The following TOP1 variants were observed in gnomAD, a reference collection of about 807,000 sequenced individuals.
TOP1 encodes the protein DNA topoisomerase I, also known as DNA topoisomerase 1.
Under a neutral mutation model 111.1 loss-of-function variants are expected in TOP1, and 10 were observed. The ratio of observed to expected loss-of-function variants is 0.09; its 90% confidence interval spans 0.06 to 0.15. The LOEUF (loss-of-function observed/expected upper bound fraction) is 0.15. Ranked by LOEUF, TOP1 falls within the 10% of genes least tolerant of loss-of-function variation. The probability of loss-of-function intolerance (pLI) is 1.00; values close to 1 mark genes in which losing one functional copy is unlikely to be tolerated. For missense variants in TOP1, 474 were observed against 926.7 expected, an observed-to-expected ratio of 0.51 and a Z score of 6.34; for synonymous variants, 271 against 302.9, an observed-to-expected ratio of 0.89 and a Z score of 1.10.
intron 2 of TOP1, among the ~76,000 whole-genome samples, chr20:41,048,377 G>A (rs562391925): frequency 1.4e-4 from 22 of 152,294 alleles, no homozygotes; most frequent in South Asian, 8.3e-4. Context: ...TTATACACAG[G>A]AATACTTGAG....
intron 2 of TOP1, among the ~76,000 whole-genome samples, chr20:41,059,454 A>AAATAAATG (rs2033517323): frequency 6.8e-6 from 1 of 147,348 alleles, no homozygotes; most frequent in East Asian, 1.9e-4. Flanking sequence ...ATAAATAAAT[A>AAATAAATG]AATAAGGTGG....
chr20:41,060,656 C>A (rs570039120), intron 2 of TOP1, among the ~76,000 whole-genome samples: 3 of 152,168 alleles, frequency 2.0e-5, no homozygotes, highest in Non-Finnish European at 2.9e-5. Context: ...GGGATTGGTT[C>A]CAGGACCACC....
chr20:41,090,983 C>T (rs1299117222), intron 8 of TOP1, among the ~76,000 whole-genome samples: 1 of 151,910 alleles, frequency 6.6e-6, no homozygotes, highest in African/African-American at 2.4e-5. Context: ...ATGTAAAGAC[C>T]CAGTTTGATT....
At chr20:41,057,645 AC>A (rs1382214387) in intron 2 of TOP1, among the ~76,000 whole-genome samples, 1 of 152,202 alleles carries the variant, frequency 6.6e-6, no homozygotes, top group Non-Finnish European at 1.5e-5. Context: ...TAAATTGACT[AC>A]CCTAAGATAA....
rs921189909 is a variant in TOP1 at position 41,069,052 on chromosome 20, A to G, written c.156-7119A>G. Among the ~76,000 whole-genome samples the G allele has an allele frequency of 6.6e-6, 1 of 152,204 alleles. No homozygotes were observed. Among genetic ancestry groups the G allele is most frequent in the Non-Finnish European group, 1.5e-5 (1 of 68,032 alleles). ...GCAAGGGAAGTACTTTTCCAGCCAT[A>G]TTGGCAGTGCTATTCTGTACTGTCA... On this transcript the variant is annotated intron_variant, in intron 3 of 20. Transcript: ENST00000361337. The surrounding 1 kb of genome is among the most constrained non-coding windows in gnomAD (Gnocchi z 4.1).
rs557435981 is a variant in TOP1 at position 41,067,415 on chromosome 20, G to A, written c.155+5925G>A. ...ATTACAGGCTTGAGCCACCACACCC[G>A]GCCTCCAGTAAAATTTTATATACAC... On this transcript the variant is annotated intron_variant, in intron 3 of 20. Transcript: ENST00000361337. The surrounding 1 kb of genome is among the most constrained non-coding windows in gnomAD (Gnocchi z 4.0). 5.8e-3 allele frequency among the ~76,000 whole-genome samples: 886 copies of A among 152,180 alleles called. 6 individuals are homozygous for A. The highest frequency in any genetic ancestry group is 7.1e-3 in the Non-Finnish European group (481 of 68,004).
intron 4 of TOP1, 102 bp from the exon 5 acceptor site, chr20:41,077,480 G>A (rs760095186): frequency 6.5e-6 from 6 of 918,278 alleles, no homozygotes; most frequent in Non-Finnish European, 8.8e-6. Context: ...GAGCCAGCTT[G>A]TGATCATGAT....
In TOP1 at chr20:41,061,619, C is replaced by T. The variant is rs1055524640; in HGVS notation, c.155+129C>T. The T allele has an allele frequency of 3.9e-6, 3 of 776,242 alleles. No homozygotes were observed. The African/African-American group carries it at 5.2e-5, about 14-fold the overall frequency. 48.1% of individuals were successfully genotyped at this position (776,242 alleles called of 1,614,324 possible). A position where few individuals can be genotyped will look rare whatever the true frequency, so the allele number is the denominator to read the frequency against. On this transcript the variant is annotated intron_variant, in intron 3 of 20. Transcript: ENST00000361337. This position sits in a 1 kb window ranked among gnomAD's most constrained non-coding sequence, Gnocchi z 4.6. ...AAGTAAGTAGAAACTGTATTTGATC[C>T]TAGAGTTGCTATGAGGATGGCCATG...
chr20:41,075,159 C>G (rs958801195), intron 3 of TOP1, among the ~76,000 whole-genome samples: 11 of 151,948 alleles, frequency 7.2e-5, no homozygotes, highest in African/African-American at 2.2e-4. Context: ...CAAAATAAAC[C>G]TCTTTTTAAA....
At chr20:41,103,761 ATT>A (rs1257164044) in intron 13 of TOP1, among the ~76,000 whole-genome samples, 1 of 152,050 alleles carries the variant, frequency 6.6e-6, no homozygotes, top group Non-Finnish European at 1.5e-5. Context: ...CACCTCTGGG[ATT>A]TCAAAAGGCT....
rs967263179 is a variant in TOP1, at chr20:41,102,495, A to G, written c.1308+1142A>G. Among the ~76,000 whole-genome samples, 1 of 152,144 alleles carries G rather than the reference A, an allele frequency of 6.6e-6. No homozygotes were observed. The highest frequency in any genetic ancestry group is 1.9e-4 in the East Asian group (1 of 5,204). The stretch of plus-strand genomic sequence containing the variant: ...CGTGGTAGTGGGTGCCTGTAATCCC[A>G]TCTACTTGGGAGGCGGAGGCAGGAG... On this transcript the variant is annotated intron_variant, in intron 13 of 20. Transcript: ENST00000361337. The surrounding 1 kb of genome is among the most constrained non-coding windows in gnomAD (Gnocchi z 4.0).
In TOP1 at chr20:41,061,262, C is replaced by G; in HGVS notation, c.59-132C>G. The G allele has an allele frequency of 1.4e-6, 1 of 716,548 alleles. No individual in the cohort carries two copies. The highest frequency in any genetic ancestry group is 2.2e-6 in the Non-Finnish European group (1 of 459,990). The allele number at this position is 716,548 out of a possible 1,614,324, so 44.4% of individuals were successfully genotyped here. ...GCTTCTTTGTGAAAGCTTTTTTTTT[C>G]AGTGGCATGTGCTATTATGCCTACC... On this transcript the variant is annotated intron_variant, in intron 2 of 20. Coordinates refer to ENST00000361337, the MANE Select transcript of TOP1 (RefSeq NM_003286.4). This position sits in a 1 kb window ranked among gnomAD's most constrained non-coding sequence, Gnocchi z 4.6.
Position 41,081,753 on chromosome 20 carries a change from C to T in TOP1, c.507+513C>T, listed in dbSNP as rs867002848. On this transcript the variant is annotated intron_variant, in intron 7 of 20. Coordinates refer to ENST00000361337, the MANE Select transcript of TOP1 (RefSeq NM_003286.4). The stretch of plus-strand genomic sequence containing the variant: ...TTGTGTCTCTCTTCATCTTGTGCCT[C>T]TTCTCTAGCTTACTTGTACCAGTCA... Among the ~76,000 whole-genome samples the T allele has an allele frequency of 1.8e-4, 27 of 152,284 alleles. No homozygotes were observed. In the Middle Eastern group the frequency reaches 0.01, roughly 58 times the overall value.
intron 2 of TOP1, among the ~76,000 whole-genome samples, chr20:41,041,316 G>A (rs1325261791): frequency 6.6e-6 from 1 of 151,852 alleles, no homozygotes; most frequent in Admixed American, 6.6e-5. Flanking sequence ...CAAGCATGGT[G>A]GTGTGCACCT....
rs1247735110 is a variant in TOP1, at chr20:41,100,797, A to T, written c.1164-412A>T. ...ACCACTTTCACACTTTGGGGCCTTTATTAAGTAAAAGAAGGATTACTTGAA... is the reference window on the plus strand; with the variant it reads ...ACCACTTTCACACTTTGGGGCCTTTTTTAAGTAAAAGAAGGATTACTTGAA... On this transcript the variant is annotated intron_variant, in intron 12 of 20. Transcript: ENST00000361337. The surrounding 1 kb of genome is among the most constrained non-coding windows in gnomAD (Gnocchi z 4.4). 1.2e-5 allele frequency: 2 copies of T among 168,866 alleles called. No homozygotes were observed. Among genetic ancestry groups the T allele is most frequent in the African/African-American group, 4.8e-5 (2 of 41,824 alleles). The allele number at this position is 168,866 out of a possible 1,614,324, so 10.5% of individuals were successfully genotyped here.
chr20:41,048,659 T>TA (rs2033363682), intron 2 of TOP1, among the ~76,000 whole-genome samples: 1 of 152,218 alleles, frequency 6.6e-6, no homozygotes, highest in Admixed American at 6.5e-5. Context: ...GGCATAATAA[T>TA]AAAACAATGA....
In TOP1 at chr20:41,032,041, G is replaced by GA. The variant is rs1369144096; in HGVS notation, c.58+2593dup. Among the ~76,000 whole-genome samples, 3 of 152,026 alleles carry GA rather than the reference G, an allele frequency of 2.0e-5. No individual in the cohort carries two copies. Among genetic ancestry groups the GA allele is most frequent in the Admixed American group, 1.3e-4 (2 of 15,268 alleles). On this transcript the variant is annotated intron_variant, in intron 2 of 20. Coordinates refer to ENST00000361337, the MANE Select transcript of TOP1 (RefSeq NM_003286.4). This position sits in a 1 kb window ranked among gnomAD's most constrained non-coding sequence, Gnocchi z 4.3. ...ACCAGTGATTGATTTATGTAACTATGAAAAAAACTTTAAAAAAAGTAGAAA... is the reference window on the plus strand; with the variant it reads ...ACCAGTGATTGATTTATGTAACTATGAAAAAAAACTTTAAAAAAAGTAGAAA...
At chr20:41,037,298 G>A (rs993039536) in intron 2 of TOP1, among the ~76,000 whole-genome samples, 5 of 151,844 alleles carry the variant, frequency 3.3e-5, no homozygotes, top group Admixed American at 6.6e-5. Flanking sequence ...GACCCTTTTC[G>A]ATGCATTTAA....
rs896279659 is a variant in TOP1, at chr20:41,122,388, T to G, written c.2195+233T>G. ...TCAGTGCTGTTACACTGCCTTGTAGTGTATATTTTTAAGAGGCAGGTGCCA... is the reference window on the plus strand; with the variant it reads ...TCAGTGCTGTTACACTGCCTTGTAGGGTATATTTTTAAGAGGCAGGTGCCA... On this transcript the variant is annotated intron_variant, in intron 20 of 20. Coordinates refer to ENST00000361337, the MANE Select transcript of TOP1 (RefSeq NM_003286.4). This position sits in a 1 kb window ranked among gnomAD's most constrained non-coding sequence, Gnocchi z 5.4. 6.6e-6 allele frequency among the ~76,000 whole-genome samples: 1 copy of G among 152,170 alleles called. No individual in the cohort carries two copies. Among genetic ancestry groups the G allele is most frequent in the East Asian group, 1.9e-4 (1 of 5,192 alleles).
Sources: gnomAD v4.1 joint callset for allele counts (sites outside exome capture counted in the v4.1 genomes callset) on GRCh38, gnomAD v4.1.1 for gene constraint, Gnocchi (gnomAD v3.1) non-coding constraint, MANE v1.5 for transcripts, NCBI Gene and HGNC (gene_info 2026-07-23, HGNC 2026-07-21) for gene names.